Variants in PCNX2 observed in about 807,000 individuals in gnomAD.
PCNX2 encodes the protein pecanex-like protein 2.
Under a neutral mutation model 223.8 loss-of-function variants are expected in PCNX2, and 168 were observed. The ratio of observed to expected loss-of-function variants is 0.75; its 90% CI spans 0.66 to 0.85. PCNX2 has a LOEUF of 0.85. Among genes scored for constraint, PCNX2 ranks in the 40% least tolerant of loss-of-function variants. The probability of loss-of-function intolerance (pLI) is 0.00; values close to 1 mark genes in which losing one functional copy is unlikely to be tolerated. For missense variants in PCNX2, 2,507 were observed against 2,675.5 expected (o/e 0.94, Z 1.39); for synonymous variants, 1,006 against 1,052.6 (o/e 0.96, Z 0.86).
chr1:233,012,492 C>T (rs911879849), intron 28 of PCNX2, among the ~76,000 whole-genome samples: 6 of 152,056 alleles, frequency 3.9e-5, no homozygotes, highest in Admixed American at 6.6e-5. Flanking sequence ...TGGAACCTCT[C>T]GGTGAAGTGA....
Position 233,295,721 on chromosome 1 carries a change from G to A in PCNX2, c.-243C>T. 7.8e-6 allele frequency: 3 copies of A among 385,268 alleles called. No individual in the cohort carries two copies. Among genetic ancestry groups the A allele is most frequent in the Non-Finnish European group, 1.3e-5 (3 of 224,068 alleles). The allele number at this position is 385,268 out of a possible 1,614,324, so 23.9% of individuals were successfully genotyped here. A position where few individuals can be genotyped will look rare whatever the true frequency, so the allele number is the denominator to read the frequency against. On this transcript the variant is annotated 5_prime_UTR_variant, in exon 1 of 34. Transcript: ENST00000258229. This position sits in a 1 kb window ranked among gnomAD's most constrained non-coding sequence, Gnocchi z 4.1. ...CCGGGCAGGTGAGCGCCATGTCCGA[G>A]GGAGGAAGGATTTTCCCATCGTGCT...
chr1:233,252,999 T>C (rs1659546896), intron 5 of PCNX2, among the ~76,000 whole-genome samples: 1 of 152,196 alleles, frequency 6.6e-6, no homozygotes, highest in African/African-American at 2.4e-5. Context: ...GTTTGAGACA[T>C]GTTATTTAGG....
At chr1:233,089,177 A>C (rs1673749391) in intron 23 of PCNX2, among the ~76,000 whole-genome samples, 1 of 130,616 alleles carries the variant, frequency 7.7e-6, no homozygotes, top group African/African-American at 3.0e-5. Context: ...ACTCTGCAAA[A>C]TGTAAACAAA....
chr1:233,208,824 T>TAAAA (rs1681643565), intron 12 of PCNX2, 135 bp from the exon 13 acceptor site: 4 of 11,498 alleles, frequency 3.5e-4, no homozygotes, highest in Admixed American at 1.3e-3. Context: ...ACAATTCATA[T>TAAAA]ACAAAAAAAA....
chr1:233,158,026 G>A (rs572063808), intron 19 of PCNX2, among the ~76,000 whole-genome samples: 25 of 152,110 alleles, frequency 1.6e-4, no homozygotes, highest in African/African-American at 4.8e-4. Flanking sequence ...CTCATCCTCC[G>A]AGAGGGGAAG....
rs377229477 is a variant in PCNX2, at chr1:233,135,684, CATA to C, written c.3660-497_3660-495del. Among the ~76,000 whole-genome samples, 65 of 152,312 alleles carry C rather than the reference CATA, an allele frequency of 4.3e-4. 1 individual carries two copies. In the East Asian group the frequency reaches 8.5e-3, roughly 20 times the overall value. On this transcript the variant is annotated intron_variant, in intron 20 of 33. Coordinates refer to ENST00000258229, the MANE Select transcript of PCNX2 (RefSeq NM_014801.4). ...GAAAAGAATCCAATTCGAACAGTGA[CATA>C]ACAGGTAGGAAATTCTGAATAGAGA... is the stretch of plus-strand genomic sequence containing the variant.
At chr1:233,012,054 C>T (rs2102813324) in intron 28 of PCNX2, among the ~76,000 whole-genome samples, 1 of 152,164 alleles carries the variant, frequency 6.6e-6, no homozygotes, top group Admixed American at 6.5e-5. Flanking sequence ...CAGTTCACCA[C>T]AGAAGTGGTG....
At chr1:233,128,011 T>C (rs553214500) in intron 21 of PCNX2, among the ~76,000 whole-genome samples, 17 of 152,310 alleles carry the variant, frequency 1.1e-4, no homozygotes, top group African/African-American at 4.1e-4. Flanking sequence ...ACTCACAAAA[T>C]AAGGAAAACG....
At chr1:233,035,100 G>A (rs1253348302) in intron 25 of PCNX2, among the ~76,000 whole-genome samples, 1 of 152,052 alleles carries the variant, frequency 6.6e-6, no homozygotes, top group African/African-American at 2.4e-5. Context: ...GGAGATAATG[G>A]GACTTCAAAG....
chr1:233,184,050 C>T (rs1336356913), intron 15 of PCNX2, among the ~76,000 whole-genome samples: 1 of 152,214 alleles, frequency 6.6e-6, no homozygotes, highest in Non-Finnish European at 1.5e-5. Flanking sequence ...GAAGAAGAAC[C>T]TGCTAACTTC....
chr1:233,247,547 C>T (rs1659194807), intron 8 of PCNX2, among the ~76,000 whole-genome samples: 1 of 151,948 alleles, frequency 6.6e-6, no homozygotes, highest in Admixed American at 6.5e-5. Flanking sequence ...TGGTCTCAAA[C>T]CCCGAGACTC....
At chr1:233,181,229 A>C (rs1572032026) in intron 15 of PCNX2, 10 of 135,656 alleles carry the variant, frequency 7.4e-5, no homozygotes, top group South Asian at 2.3e-4. Context: ...AGCTGGAGTC[A>C]CTCTCTATCA....
intron 8 of PCNX2, among the ~76,000 whole-genome samples, chr1:233,242,038 G>C (rs941563698): frequency 6.6e-6 from 1 of 152,138 alleles, no homozygotes; most frequent in South Asian, 2.1e-4. Context: ...AAGAGGTTTT[G>C]TTGAGATAAG....
chr1:233,081,600 CA>C (rs1673362353), intron 23 of PCNX2, among the ~76,000 whole-genome samples: 1 of 152,198 alleles, frequency 6.6e-6, no homozygotes, highest in Non-Finnish European at 1.5e-5. Context: ...TGATGACTTG[CA>C]AAGTGGCCAC....
At chr1:233,223,794 T>C (rs1377975661) in intron 10 of PCNX2, among the ~76,000 whole-genome samples, 2 of 152,204 alleles carry the variant, frequency 1.3e-5, no homozygotes, top group African/African-American at 4.8e-5. Flanking sequence ...TATAAGTGTG[T>C]GTTCTCATGG....
chr1:233,203,486 A>G (rs1681252087), intron 13 of PCNX2, among the ~76,000 whole-genome samples: 1 of 152,226 alleles, frequency 6.6e-6, no homozygotes, highest in Non-Finnish European at 1.5e-5. Context: ...CTGAACATAT[A>G]TGAGGGATCA....
intron 22 of PCNX2, among the ~76,000 whole-genome samples, chr1:233,093,815 A>C (rs1468617741): frequency 1.3e-5 from 2 of 152,230 alleles, no homozygotes; most frequent in African/African-American, 2.4e-5. Flanking sequence ...TGAGTGCTGT[A>C]AAATGGAACC....
chr1:233,161,236 G>A, intron 18 of PCNX2, 35 bp downstream of exon 18: 1 of 1,558,350 alleles, frequency 6.4e-7, no homozygotes, highest in Non-Finnish European at 8.8e-7. Flanking sequence ...GGAGAATAAG[G>A]GGGCAGGAAG....
At chr1:233,089,882 T>C (rs905472593) in intron 23 of PCNX2, 179 bp downstream of exon 23, 26 of 1,387,232 alleles carry the variant, frequency 1.9e-5, no homozygotes, top group Non-Finnish European at 2.4e-5. Context: ...TCTTTCCAGA[T>C]CCCTGAGACC....
Sources: gnomAD v4.1 joint callset for allele counts (sites outside exome capture counted in the v4.1 genomes callset) on GRCh38, gnomAD v4.1.1 for gene constraint, Gnocchi (gnomAD v3.1) non-coding constraint, MANE v1.5 for transcripts, NCBI Gene and HGNC (gene_info 2026-07-23, HGNC 2026-07-21) for gene names.